The following TLE2 variants were observed in gnomAD, a reference collection of about 807,000 sequenced individuals.
TLE2 encodes the protein TLE family member 2, transcriptional corepressor, also known as transducin-like enhancer protein 2.
Under a neutral mutation model 97.2 loss-of-function variants are expected in TLE2, and 74 were observed. The ratio of observed to expected loss-of-function variants is 0.76; its 90% CI spans 0.63 to 0.92. TLE2 has a LOEUF of 0.92. TLE2 is among the 40% of genes least tolerant of loss of function. The probability of loss-of-function intolerance (pLI) is 0.00; values close to 1 mark genes in which losing one functional copy is unlikely to be tolerated. For synonymous variants in TLE2, 499 were observed against 432.1 expected (o/e 1.15, Z -1.92); for missense variants, 1,038 against 1,008.7 (o/e 1.03, Z -0.39).
chr19:3,015,309 A>T (rs1158787235), intron 9 of TLE2, among the ~76,000 whole-genome samples: 1 of 152,148 alleles, frequency 6.6e-6, no homozygotes, highest in Non-Finnish European at 1.5e-5. Flanking sequence ...AGCCTCTAGG[A>T]GGTGGTCAGG....
At chr19:3,026,570 G>GCAGAACCCTGAGGTCTATCT (rs1271894799) in intron 4 of TLE2, among the ~76,000 whole-genome samples, 3,072 of 150,184 alleles carry the variant, frequency 0.02, 113 homozygotes, top group African/African-American at 0.072. Flanking sequence ...TATGATAATC[G>GCAGAACCCTGAGGTCTATCT]CAGAACCCTG....
upstream of TLE2, among the ~76,000 whole-genome samples, chr19:3,033,037 G>A (rs1456015948): frequency 1.3e-5 from 2 of 150,658 alleles, no homozygotes; most frequent in African/African-American, 2.4e-5. Flanking sequence ...AGTTTCAAGC[G>A]ATTCTCTTGC....
intron 1 of TLE2, among the ~76,000 whole-genome samples, chr19:3,045,363 C>A (rs2090134105): frequency 6.6e-6 from 1 of 152,226 alleles, no homozygotes; most frequent in South Asian, 2.1e-4. Flanking sequence ...AAGGGTCAGA[C>A]TGAGGCAGTG....
intron 14 of TLE2, among the ~76,000 whole-genome samples, chr19:3,008,083 GAAAAC>G (rs3831629): frequency 0.2 from 30,282 of 151,776 alleles, 3,333 homozygotes; most frequent in Admixed American, 0.28. Context: ...CTCAGTCTCA[GAAAAC>G]AAAACAAAAC....
chr19:3,041,975 C>T (rs1465507815), intron 1 of TLE2, among the ~76,000 whole-genome samples: 2 of 151,968 alleles, frequency 1.3e-5, no homozygotes, highest in Non-Finnish European at 2.9e-5. Context: ...TCGCCCGCCC[C>T]CTCCTCCCGC....
Position 3,019,451 on chromosome 19 carries a change from G to C in TLE2, c.382C>G (p.Pro128Ala). 6.6e-7 allele frequency: 1 copy of C among 1,517,812 alleles called. No individual in the cohort carries two copies. The highest frequency in any genetic ancestry group is 8.8e-7 in the Non-Finnish European group (1 of 1,137,388). 94.0% of individuals were successfully genotyped at this position (1,517,812 alleles called of 1,614,324 possible). The change falls in exon 7 of 20, where the codon CCG becomes GCG. Residue 128 changes from proline (P) to alanine (A), a missense_variant. Pro to Ala is a conservative substitution (Grantham distance 27). Coordinates refer to ENST00000262953, the MANE Select transcript of TLE2 (RefSeq NM_003260.5). The surrounding 1 kb of genome is among the most constrained non-coding windows in gnomAD (Gnocchi z 5.1). ...ACAGGGGGTGCGTGGTGGGACAGCGGCTGGAGCTGCTGCTGCTAGAAAGGA... is the reference window on the plus strand; with the variant it reads ...ACAGGGGGTGCGTGGTGGGACAGCGCCTGGAGCTGCTGCTGCTAGAAAGGA... Reference protein sequence around the residue: ...LNSLIGQQLQPLSHHAPPVPL... With the variant: ...LNSLIGQQLQALSHHAPPVPL...
chr19:2,998,278 A>AGTGTGTGT (rs1568227433), intron 19 of TLE2, among the ~76,000 whole-genome samples: 2 of 106,700 alleles, frequency 1.9e-5, no homozygotes, highest in African/African-American at 4.2e-5. Flanking sequence ...TGTGTGTGTA[A>AGTGTGTGT]TTTTTTTTTT....
intron 9 of TLE2, among the ~76,000 whole-genome samples, chr19:3,015,367 G>C (rs1304725216): frequency 6.6e-6 from 1 of 152,230 alleles, no homozygotes; most frequent in Non-Finnish European, 1.5e-5. Context: ...TAGAAAAATG[G>C]GTTTCTAAAA....
intron 5 of TLE2, among the ~76,000 whole-genome samples, chr19:3,021,088 CAAAAAAA>C (rs34363860): frequency 1.9e-4 from 3 of 15,488 alleles, no homozygotes; most frequent in African/African-American, 7.0e-4. Flanking sequence ...GACCCAGTCT[CAAAAAAA>C]AAAAAAAAAA....
In TLE2 at chr19:3,000,713, A is replaced by T. The variant is rs770605624; in HGVS notation, c.2058T>A (p.Phe686Leu). 1 of 1,587,142 alleles carries T rather than the reference A, an allele frequency of 6.3e-7. No individual in the cohort carries two copies. Among genetic ancestry groups the T allele is most frequent in the Non-Finnish European group, 8.6e-7 (1 of 1,167,198 alleles). ...SLKFASCGRWFVSTGKDNLLN... is the reference protein window; with the variant it reads ...SLKFASCGRWLVSTGKDNLLN... ...GCAGGTTGTCCTTCCCGGTGCTCAC[A>T]AACCACCGTCCTTGGGGAAGGAGAG... The change falls in exon 19 of 20, where the codon TTT becomes TTA. Residue 686 changes from phenylalanine to leucine, a missense_variant. Coordinates refer to ENST00000262953, the MANE Select transcript of TLE2 (RefSeq NM_003260.5).
chr19:3,023,746 G>C (rs2089890851), intron 5 of TLE2, among the ~76,000 whole-genome samples: 1 of 151,732 alleles, frequency 6.6e-6, no homozygotes, highest in Non-Finnish European at 1.5e-5. Flanking sequence ...ACAAAAATTA[G>C]CCGGGCGTGG....
intron 1 of TLE2, among the ~76,000 whole-genome samples, chr19:3,038,634 G>T (rs1476623310): frequency 6.6e-6 from 1 of 152,234 alleles, no homozygotes; most frequent in Non-Finnish European, 1.5e-5. Flanking sequence ...AGGGCTGGGC[G>T]TGGTGGCTCA....
At chr19:3,042,050 G>A (rs1014647882) in intron 1 of TLE2, among the ~76,000 whole-genome samples, 1 of 151,736 alleles carries the variant, frequency 6.6e-6, no homozygotes, top group African/African-American at 2.4e-5. Context: ...CGACAGGCCC[G>A]GGCAGGCCCA....
At chr19:3,011,256 A>G in intron 11 of TLE2, 96 bp from the exon 12 acceptor site, 10 of 1,349,506 alleles carry the variant, frequency 7.4e-6, no homozygotes, top group Non-Finnish European at 9.9e-6. Context: ...GGCCAGTCGC[A>G]GTGTCTCACA....
At chr19:3,020,889 C>T (rs1270800577) in intron 5 of TLE2, among the ~76,000 whole-genome samples, 1 of 151,258 alleles carries the variant, frequency 6.6e-6, no homozygotes, top group Middle Eastern at 3.5e-3. Context: ...AGTTCAAGAC[C>T]AGCCTGGCCA....
rs892079927 is a variant in TLE2 at position 3,019,034 on chromosome 19, G to A, written c.550+249C>T. 1.3e-5 allele frequency among the ~76,000 whole-genome samples: 2 copies of A among 152,110 alleles called. No homozygotes were observed. Among genetic ancestry groups the A allele is most frequent in the Admixed American group, 1.3e-4 (2 of 15,270 alleles). On this transcript the variant is annotated intron_variant, in intron 7 of 19. Transcript: ENST00000262953. The surrounding 1 kb of genome is among the most constrained non-coding windows in gnomAD (Gnocchi z 5.1). ...CTGCCTCGGCCTCCTAAGTACCTGG[G>A]AATACAGGTGTGCACCATCCCACCC...
In TLE2 at chr19:3,011,081, C is replaced by T. The variant is rs777306116; in HGVS notation, c.953G>A (p.Ser318Asn). The T allele has an allele frequency of 6.2e-7, 1 of 1,609,710 alleles. No homozygotes were observed. Among genetic ancestry groups the T allele is most frequent in the Non-Finnish European group, 8.5e-7 (1 of 1,178,784 alleles). Residue 318 changes from serine (S) to asparagine (N), a missense_variant, in exon 12 of 20, where the codon AGC becomes AAC. Transcript: ENST00000262953. ...PPQDASTPGP[S>N]SASHLCQLAA... is the part of the protein sequence containing the mutation. Reference sequence around the variant, plus strand: ...AAGCTGGCAGAGGTGACTGGCCGAGCTGGGCCCGGGGGTGGAAGCGTCCTG... The same window carrying T: ...AAGCTGGCAGAGGTGACTGGCCGAGTTGGGCCCGGGGGTGGAAGCGTCCTG...
upstream of TLE2, chr19:3,045,824 T>C (rs1359570476): frequency 2.6e-6 from 1 of 381,420 alleles, no homozygotes; most frequent in East Asian, 8.0e-5. Flanking sequence ...TGAAACTCTG[T>C]CTCAAAAAAC....
intron 4 of TLE2, 30 bp downstream of exon 4, chr19:3,027,799 C>T: frequency 6.2e-7 from 1 of 1,606,832 alleles, no homozygotes; most frequent in Non-Finnish European, 8.5e-7. Context: ...CACCCTCCCT[C>T]CTGAACACGC....
Sources: allele counts gnomAD v4.1 joint callset (sites outside exome capture counted in the v4.1 genomes callset), GRCh38; gene constraint gnomAD v4.1.1; non-coding constraint Gnocchi (gnomAD v3.1); transcripts MANE v1.5; gene names NCBI Gene and HGNC (gene_info 2026-07-23, HGNC 2026-07-21).